The following LANCL3 variants were observed in gnomAD, a reference collection of about 807,000 sequenced individuals.
LANCL3 encodes LanC like family member 3.
LANCL3 carries 19 observed loss-of-function variants against 26.5 expected under a neutral mutation model. The observed-to-expected ratio is 0.72, with a 90% CI of 0.50 to 1.05. The LOEUF (loss-of-function observed/expected upper bound fraction) is 1.05, where lower values mean the gene tolerates loss of function less well. Ranked by LOEUF, LANCL3 falls within the 50% of genes least tolerant of loss-of-function variation. The probability of loss-of-function intolerance (pLI) is 0.00; values close to 1 mark genes in which losing one functional copy is unlikely to be tolerated. For missense variants in LANCL3, 318 were observed against 362.7 expected (o/e 0.88, Z 1.00); for synonymous variants, 160 against 166.6 (o/e 0.96, Z 0.30).
At position 37,571,761 on chromosome X, in the gene LANCL3, C is replaced by T; in HGVS notation, c.-110C>T. 3.2e-6 allele frequency: 2 copies of T among 615,400 alleles called. No homozygotes were observed. The highest frequency in any genetic ancestry group is 3.8e-5 in the Admixed American group (1 of 26,346). The allele number at this position is 615,400 out of a possible 1,213,427, so 50.7% of individuals were successfully genotyped here. On this transcript the variant is annotated 5_prime_UTR_variant, in exon 1 of 5. Coordinates refer to ENST00000378619, the MANE Select transcript of LANCL3 (RefSeq NM_001170331.2). The stretch of plus-strand genomic sequence containing the variant: ...TCTCATCCTTCTCGCTCCTTCCCCG[C>T]CGCATACACCGGCATCCGAGTGCCT...
intron 1 of LANCL3, among the ~76,000 whole-genome samples, chrX:37,587,969 A>T (rs1924154461): frequency 8.9e-6 from 1 of 112,559 alleles, no homozygotes; most frequent in South Asian, 3.6e-4. Context: ...TAAAGAGAAC[A>T]TAGTTCGTAG....
At chrX:37,668,559 C>G (rs1254097284) in intron 4 of LANCL3, 1 of 208,074 alleles carries the variant, frequency 4.8e-6, no homozygotes, top group Non-Finnish European at 9.6e-6. Context: ...AAGTGGCATT[C>G]ATTTTGAAGG....
intron 1 of LANCL3, among the ~76,000 whole-genome samples, chrX:37,594,690 C>A (rs1225054081): frequency 8.9e-6 from 1 of 111,888 alleles, no homozygotes. Context: ...GACTGAATGG[C>A]AATTGTTTTT....
chrX:37,646,970 C>T (rs940081176), intron 1 of LANCL3, among the ~76,000 whole-genome samples: 17 of 111,636 alleles, frequency 1.5e-4, no homozygotes, highest in African/African-American at 5.6e-4. Flanking sequence ...TGAGTTTATT[C>T]GGAACTATCC....
At chrX:37,647,096 C>T (rs1486307656) in intron 1 of LANCL3, among the ~76,000 whole-genome samples, 1 of 111,459 alleles carries the variant, frequency 9.0e-6, no homozygotes, top group Non-Finnish European at 1.9e-5. Flanking sequence ...GGGCAGATCA[C>T]GAGGTCAGGA....
At chrX:37,631,641 T>G (rs1556424349) in intron 1 of LANCL3, among the ~76,000 whole-genome samples, 3 of 111,396 alleles carry the variant, frequency 2.7e-5, no homozygotes, top group Admixed American at 1.9e-4. Flanking sequence ...CAGAGATTCT[T>G]GTATGTTGTG....
At chrX:37,608,607 C>T (rs1201754025) in intron 1 of LANCL3, among the ~76,000 whole-genome samples, 2 of 111,568 alleles carry the variant, frequency 1.8e-5, no homozygotes, top group African/African-American at 3.3e-5. Flanking sequence ...TTTCCTATTG[C>T]CCTTGTAATT....
rs138739055 is a variant in LANCL3 at position 37,578,514 on chromosome X, T to A, written c.573+6071T>A. Among the ~76,000 whole-genome samples, 887 of 112,123 alleles carry A rather than the reference T, an allele frequency of 7.9e-3. 5 individuals carry two copies. The highest frequency in any genetic ancestry group is 0.027 in the African/African-American group (841 of 30,866). On this transcript the variant is annotated intron_variant, in intron 1 of 4. Transcript: ENST00000378619. ...CACCTGTAAGGTATCTTGTTTTTGC[T>A]GTCAGCTAGTTGCCAATTAAATAAA...
At chrX:37,672,053 G>C (rs1926696214) in intron 4 of LANCL3, among the ~76,000 whole-genome samples, 1 of 111,482 alleles carries the variant, frequency 9.0e-6, no homozygotes, top group African/African-American at 3.3e-5. Flanking sequence ...TCCCTATAAA[G>C]CGTATTAAAA....
Position 37,572,390 on chromosome X carries a change from C to T in LANCL3, c.520C>T (p.Arg174Cys). The T allele has an allele frequency of 8.5e-7, 1 of 1,176,076 alleles. No individual in the cohort carries two copies. The highest frequency in any genetic ancestry group is 1.1e-6 in the Non-Finnish European group (1 of 877,560). The stretch of plus-strand genomic sequence containing the variant: ...CGGCTCCGACGAGCTGTTCGTGGGC[C>T]GCGCGGGTTACCTGTGTGCCGCGCT... Reference protein sequence around the residue: ...ECGSDELFVGRAGYLCAALVL... With the variant: ...ECGSDELFVGCAGYLCAALVL... Residue 174 changes from arginine to cysteine, a missense_variant, in exon 1 of 5, where the codon CGC (arginine) becomes TGC (cysteine). Transcript: ENST00000378619.
chrX:37,623,858 A>G (rs1925237712), intron 1 of LANCL3, among the ~76,000 whole-genome samples: 1 of 112,118 alleles, frequency 8.9e-6, no homozygotes, highest in Admixed American at 9.4e-5. Context: ...TGCATATGTG[A>G]ATGGAACATG....
At chrX:37,574,054 CAAAAAA>C (rs34987799) in intron 1 of LANCL3, among the ~76,000 whole-genome samples, 7 of 33,414 alleles carry the variant, frequency 2.1e-4, no homozygotes, top group East Asian at 9.0e-4. Context: ...TCAAGGATAG[CAAAAAA>C]AAAAAAAAAA....
chrX:37,635,066 A>T (rs1925668625), intron 1 of LANCL3, among the ~76,000 whole-genome samples: 1 of 111,414 alleles, frequency 9.0e-6, no homozygotes, highest in Admixed American at 9.5e-5. Context: ...GGCAGCATGG[A>T]AACCTTGAAA....
chrX:37,664,385 A>T (rs1376075232), intron 3 of LANCL3, among the ~76,000 whole-genome samples: 2 of 111,802 alleles, frequency 1.8e-5, no homozygotes, highest in Non-Finnish European at 3.8e-5. Flanking sequence ...TAAAAGCTTA[A>T]CACCTGCTAC....
rs377024759 is a variant in LANCL3, at chrX:37,632,768, G to A, written c.574-22920G>A. 3.2e-4 allele frequency among the ~76,000 whole-genome samples: 36 copies of A among 111,784 alleles called. No homozygotes were observed. The East Asian group carries it at 9.2e-3, about 29-fold the overall frequency. ...GTTGAAAATTCTTGTCTTTAAGAAT[G>A]TTGAATATTGGCCCCCACTCTCTTC... is the stretch of plus-strand genomic sequence containing the variant. On this transcript the variant is annotated intron_variant, in intron 1 of 4. Transcript: ENST00000378619.
chrX:37,593,225 C>G lies in LANCL3; in HGVS notation c.573+20782C>G, dbSNP rs1385483292. ...GGCCACAGGGAACTTCCAGGGTGGTCTTAAAAGGACAGTCCAGGATCACGG... is the reference window on the plus strand; with the variant it reads ...GGCCACAGGGAACTTCCAGGGTGGTGTTAAAAGGACAGTCCAGGATCACGG... On this transcript the variant is annotated intron_variant, in intron 1 of 4. Coordinates refer to ENST00000378619, the MANE Select transcript of LANCL3 (RefSeq NM_001170331.2). Among the ~76,000 whole-genome samples, 120 of 111,160 alleles carry G rather than the reference C, an allele frequency of 1.1e-3. No individual in the cohort carries two copies. The East Asian group carries it at 0.018, about 16-fold the overall frequency.
intron 1 of LANCL3, among the ~76,000 whole-genome samples, chrX:37,651,122 T>C (rs1416154297): frequency 9.0e-6 from 1 of 111,114 alleles, no homozygotes; most frequent in Non-Finnish European, 1.9e-5. Flanking sequence ...CTTAATCCAG[T>C]CTATCACTGA....
chrX:37,592,154 G>A (rs1306489063), intron 1 of LANCL3, among the ~76,000 whole-genome samples: 9 of 111,474 alleles, frequency 8.1e-5, no homozygotes, highest in Non-Finnish European at 1.5e-4. Context: ...CAGAACATTG[G>A]CAGCCACTGC....
In LANCL3 at chrX:37,572,327, C is replaced by G. The variant is rs1446147070; in HGVS notation, c.457C>G (p.Leu153Val). 10 of 1,162,246 alleles carry G rather than the reference C, an allele frequency of 8.6e-6. No individual in the cohort carries two copies. The East Asian group carries it at 2.6e-4, about 30-fold the overall frequency. ...YVQPLGKFRA[L>V]CAVCAPVSFL... ...GCAGCCGCTGGGCAAGTTCCGGGCT[C>G]TGTGTGCCGTCTGCGCGCCGGTCTC... is the stretch of plus-strand genomic sequence containing the variant. Residue 153 changes from leucine to valine, a missense_variant, in exon 1 of 5, where the codon CTG (leucine) becomes GTG (valine). By Grantham distance (32) the Leu-to-Val change is conservative. Transcript: ENST00000378619.
Sources: allele counts gnomAD v4.1 joint callset (sites outside exome capture counted in the v4.1 genomes callset), GRCh38; gene constraint gnomAD v4.1.1; transcripts MANE v1.5; gene names NCBI Gene and HGNC (gene_info 2026-07-23, HGNC 2026-07-21).